DIP2A: variants seen among roughly 807,000 people sequenced by gnomAD.
DIP2A encodes DIP2 acetate--CoA ligase A, also known as disco-interacting protein 2 homolog A.
A neutral mutation model predicts 177.4 loss-of-function variants in DIP2A; 85 were observed. The ratio of observed to expected loss-of-function variants is 0.48; its 90% CI spans 0.40 to 0.57. DIP2A has a LOEUF of 0.57. Ranked by LOEUF, DIP2A falls within the 20% of genes least tolerant of loss-of-function variation. The probability of loss-of-function intolerance (pLI) is 0.00; values close to 1 mark genes in which losing one functional copy is unlikely to be tolerated. For synonymous variants in DIP2A, 886 were observed against 881.8 expected, an observed-to-expected ratio of 1.00 and a Z score of -0.08; for missense variants, 1,791 against 2,100.2, an observed-to-expected ratio of 0.85 and a Z score of 2.88.
chr21:46,498,767 G>A lies in DIP2A; in HGVS notation c.589G>A (p.Ala197Thr), dbSNP rs757954070. 19 of 1,613,654 alleles carry A rather than the reference G, an allele frequency of 1.2e-5. No individual in the cohort carries two copies. Among genetic ancestry groups the A allele is most frequent in the Non-Finnish European group, 1.5e-5 (18 of 1,179,892 alleles). Residue 197 changes from alanine to threonine, a missense_variant, in exon 5 of 38, where the codon GCT becomes ACT. Transcript: ENST00000417564. This position sits in a 1 kb window ranked among gnomAD's most constrained non-coding sequence, Gnocchi z 4.3. ...AGGGAGACCCACCACTGCTCCCAGT[G>A]CTGCAGCCACGCCGGGGGCCGCCGC... ...PGGRPTTAPSAAATPGAAATT... is the reference protein window; with the variant it reads ...PGGRPTTAPSTAATPGAAATT...
intron 1 of DIP2A, 147 bp downstream of exon 1, chr21:46,459,369 A>T (rs2054074022): frequency 1.8e-6 from 1 of 552,452 alleles, no homozygotes; most frequent in African/African-American, 2.8e-5. Context: ...CGCCCCTGGG[A>T]CCTCTGCCCC....
intron 1 of DIP2A, among the ~76,000 whole-genome samples, chr21:46,464,844 T>TTTTTTTTTTTTTTTTTTCC (rs58546395): frequency 9.9e-5 from 11 of 111,214 alleles, no homozygotes; most frequent in South Asian, 2.7e-4. Context: ...TTTTTTTTTT[T>TTTTTTTTTTTTTTTTTTCC]CAAGAAAACA....
At chr21:46,567,321 T>C (rs2060865300) in intron 37 of DIP2A, 49 bp from the exon 38 acceptor site, 1 of 1,574,362 alleles carries the variant, frequency 6.4e-7, no homozygotes, top group South Asian at 1.2e-5. Context: ...CATTGGCCCC[T>C]GTGACCTGTG....
chr21:46,466,883 A>G (rs8132320), intron 1 of DIP2A, among the ~76,000 whole-genome samples: 126,596 of 152,180 alleles, frequency 0.83, 53,031 homozygotes, highest in African/African-American at 0.92. Flanking sequence ...GAGTTAAAGC[A>G]ACTTGCAAAA....
At chr21:46,533,894 C>G in intron 11 of DIP2A, 110 bp from the exon 12 acceptor site, 1 of 1,046,166 alleles carries the variant, frequency 9.6e-7, no homozygotes, top group Non-Finnish European at 1.4e-6. Context: ...AAAACTTGCA[C>G]TCCTTATTCG....
intron 2 of DIP2A, among the ~76,000 whole-genome samples, chr21:46,488,058 G>A (rs2056795904): frequency 6.6e-6 from 1 of 152,174 alleles, no homozygotes; most frequent in Admixed American, 6.5e-5. Flanking sequence ...AAACCTGATT[G>A]TATATGCTTT....
intron 8 of DIP2A, among the ~76,000 whole-genome samples, chr21:46,523,367 T>G (rs1169175577): frequency 6.6e-6 from 1 of 150,796 alleles, no homozygotes; most frequent in Non-Finnish European, 1.5e-5. Flanking sequence ...CCTGAGTAGC[T>G]AGGATTACAG....
chr21:46,494,321 G>T (rs1278660647), intron 3 of DIP2A, among the ~76,000 whole-genome samples: 1 of 152,184 alleles, frequency 6.6e-6, no homozygotes, highest in Non-Finnish European at 1.5e-5. Flanking sequence ...TCTCTGACAT[G>T]CTTTTTAGGT....
chr21:46,549,436 TAAAA>T (rs1364263638), intron 21 of DIP2A, among the ~76,000 whole-genome samples: 3 of 152,204 alleles, frequency 2.0e-5, no homozygotes, highest in Non-Finnish European at 4.4e-5. Flanking sequence ...TCTGTTGGAT[TAAAA>T]AAATATAATA....
At chr21:46,545,782 G>A in intron 19 of DIP2A, 99 bp from the exon 20 acceptor site, 2 of 1,383,350 alleles carry the variant, frequency 1.4e-6, no homozygotes, top group South Asian at 1.2e-5. Context: ...TGGCCAGCAG[G>A]CGCACACGTG....
intron 8 of DIP2A, among the ~76,000 whole-genome samples, chr21:46,521,139 CCTT>C (rs765971292): frequency 6.6e-6 from 1 of 152,212 alleles, no homozygotes; most frequent in Non-Finnish European, 1.5e-5. Flanking sequence ...CCTTTCTTTC[CCTT>C]CTTTTTCCTA....
rs111414152 is a variant in DIP2A, at chr21:46,554,522, T to C, written c.3155-53T>C. ...TCTCGCAGGAACAGTGAACAGAGGC[T>C]GGTGGGAGCCTCTTGCGGCCGGCCT... On this transcript the variant is annotated intron_variant, in intron 26 of 37. Transcript: ENST00000417564. The C allele has an allele frequency of 3.4e-3, 5,392 of 1,595,344 alleles. 158 individuals carry two copies. In the African/African-American group the frequency reaches 0.065, roughly 19 times the overall value.
At chr21:46,478,838 A>G (rs1273186327) in intron 1 of DIP2A, among the ~76,000 whole-genome samples, 1 of 151,464 alleles carries the variant, frequency 6.6e-6, no homozygotes, top group Admixed American at 6.6e-5. Flanking sequence ...ATAGCTTTCT[A>G]TTATTGTTTC....
intron 26 of DIP2A, 67 bp from the exon 27 acceptor site, chr21:46,554,508 C>T (rs1452784422): frequency 1.1e-5 from 18 of 1,588,084 alleles, no homozygotes; most frequent in South Asian, 2.3e-5. Flanking sequence ...CTCGCAGGAA[C>T]AGTGAACAGA....
At chr21:46,558,756 T>C (rs2060562551) in intron 32 of DIP2A, 1 of 266,712 alleles carries the variant, frequency 3.7e-6, no homozygotes, top group South Asian at 3.6e-5. Flanking sequence ...GTAATTTGTG[T>C]TGACTCAAAT....
Position 46,504,444 on chromosome 21 carries a change from A to G in DIP2A, c.739A>G (p.Ser247Gly). ...GCGTCCACAGGTGGCTTCTGTGAGA[A>G]GTGTTCCTCGGGGGTGCAGCGGGAG... ...FERPQVASVR[S>G]VPRGCSGSML... Residue 247 changes from serine to glycine, a missense_variant, in exon 6 of 38, where the codon AGT becomes GGT. Coordinates refer to ENST00000417564, the MANE Select transcript of DIP2A (RefSeq NM_015151.4). The G allele has an allele frequency of 1.9e-6, 3 of 1,613,734 alleles. No homozygotes were observed. The highest frequency in any genetic ancestry group is 2.5e-6 in the Non-Finnish European group (3 of 1,179,768).
At chr21:46,493,175 G>T (rs1210670184) in intron 3 of DIP2A, among the ~76,000 whole-genome samples, 1 of 152,186 alleles carries the variant, frequency 6.6e-6, no homozygotes, top group Non-Finnish European at 1.5e-5. Context: ...CTAAGATGCT[G>T]GTGTTGAGTG....
intron 33 of DIP2A, 119 bp from the exon 34 acceptor site, chr21:46,561,629 C>A: frequency 7.7e-7 from 1 of 1,305,976 alleles, no homozygotes; most frequent in African/African-American, 1.4e-5. Context: ...GAAAGGTTGA[C>A]ATCCTGACTG....
At chr21:46,578,010 A>G in the DIP2A span, among the ~76,000 whole-genome samples, 4 of 152,162 alleles carry the variant, frequency 2.6e-5, no homozygotes, top group African/African-American at 9.7e-5. Flanking sequence ...GAAGTTGCTT[A>G]TCAGTTTAAG....
Sources: allele counts gnomAD v4.1 joint callset (sites outside exome capture counted in the v4.1 genomes callset), GRCh38; gene constraint gnomAD v4.1.1; non-coding constraint Gnocchi (gnomAD v3.1); transcripts MANE v1.5; gene names NCBI Gene and HGNC (gene_info 2026-07-23, HGNC 2026-07-21).